Variants in SRRM3 observed in about 807,000 individuals in gnomAD.
SRRM3 encodes serine/arginine repetitive matrix 3.
A neutral mutation model predicts 66.2 loss-of-function variants in SRRM3; 27 were observed. That is an observed-to-expected ratio of 0.41 (90% confidence interval 0.30 to 0.56). The LOEUF is 0.56. Ranked by LOEUF, SRRM3 falls within the 20% of genes least tolerant of loss-of-function variation. SRRM3 has a pLI of 0.32. For synonymous variants in SRRM3, 391 were observed against 414.9 expected, an observed-to-expected ratio of 0.94 and a Z score of 0.70; for missense variants, 918 against 991.9, an observed-to-expected ratio of 0.93 and a Z score of 1.00.
chr7:76,267,230 C>T (rs1196438228), intron 10 of SRRM3, 28 bp from the exon 11 acceptor site: 44 of 1,502,740 alleles, frequency 2.9e-5, no homozygotes, highest in Non-Finnish European at 3.7e-5. Flanking sequence ...ACGCCGACTC[C>T]CCCATTCTTC....
intron 8 of SRRM3, among the ~76,000 whole-genome samples, chr7:76,262,822 A>AAG (rs1161504315): frequency 3.3e-5 from 5 of 151,274 alleles, no homozygotes; most frequent in Admixed American, 1.3e-4. Flanking sequence ...TCTCAAAAAA[A>AAG]AGAAAGAAAG....
chr7:76,273,375 C>G (rs968031839), intron 11 of SRRM3: 2 of 151,958 alleles, frequency 1.3e-5, no homozygotes, highest in Non-Finnish European at 2.9e-5. Context: ...TAGTGGAACC[C>G]ATTGTTTAAA....
At chr7:76,246,077 C>T (rs56325606) in intron 2 of SRRM3, among the ~76,000 whole-genome samples, 36 of 152,260 alleles carry the variant, frequency 2.4e-4, no homozygotes, top group Non-Finnish European at 3.5e-4. Flanking sequence ...TCCTAGACAA[C>T]GACCTGCAGC....
chr7:76,225,686 G>A (rs554747801), intron 1 of SRRM3, among the ~76,000 whole-genome samples: 105 of 152,240 alleles, frequency 6.9e-4, no homozygotes, highest in African/African-American at 2.5e-3. Flanking sequence ...TTTGAGACCA[G>A]CCTGGGCAAC....
intron 1 of SRRM3, among the ~76,000 whole-genome samples, chr7:76,208,839 A>G (rs1554601403): frequency 6.6e-6 from 1 of 151,642 alleles, no homozygotes; most frequent in African/African-American, 2.4e-5. Flanking sequence ...AGACCCTGAA[A>G]AAAAAAAGAA....
chr7:76,257,270 G>A (rs1554607866), intron 3 of SRRM3, among the ~76,000 whole-genome samples: 1 of 151,854 alleles, frequency 6.6e-6, no homozygotes, highest in Non-Finnish European at 1.5e-5. Context: ...GAGGGGAAGG[G>A]GTGAGCCAGG....
At chr7:76,281,925 C>A in intron 12 of SRRM3, 123 bp downstream of exon 12, 1 of 747,758 alleles carries the variant, frequency 1.3e-6, no homozygotes, top group Non-Finnish European at 1.7e-6. Context: ...GATCCCAACC[C>A]CCTCCCACCG....
intron 1 of SRRM3, among the ~76,000 whole-genome samples, chr7:76,212,163 T>C (rs1459735416): frequency 6.4e-5 from 3 of 46,980 alleles, no homozygotes; most frequent in African/African-American, 2.4e-4. Flanking sequence ...TGAGGTCTGC[T>C]TTTTTTTTTT....
intron 1 of SRRM3, among the ~76,000 whole-genome samples, chr7:76,212,803 G>A (rs1052889336): frequency 4.3e-4 from 66 of 152,050 alleles, no homozygotes; most frequent in Non-Finnish European, 2.8e-4. Context: ...AAGGTGGACC[G>A]TACACACTAG....
chr7:76,277,307 G>C (rs531026778), intron 11 of SRRM3, among the ~76,000 whole-genome samples: 6 of 152,244 alleles, frequency 3.9e-5, no homozygotes, highest in African/African-American at 1.4e-4. Context: ...AATGTAGTGG[G>C]AAGTCAGGAG....
At chr7:76,253,104 T>C (rs1331390470) in intron 3 of SRRM3, among the ~76,000 whole-genome samples, 1 of 152,024 alleles carries the variant, frequency 6.6e-6, no homozygotes, top group Non-Finnish European at 1.5e-5. Context: ...GTGGAAGTTG[T>C]TGCAGTGAGC....
chr7:76,283,485 C>T (rs1162091171), intron 14 of SRRM3: 2 of 460,994 alleles, frequency 4.3e-6, no homozygotes, highest in African/African-American at 4.0e-5. Flanking sequence ...CTGCATCCGT[C>T]TCCGGACAAT....
intron 2 of SRRM3, among the ~76,000 whole-genome samples, chr7:76,236,506 C>G (rs1801158135): frequency 6.6e-6 from 1 of 152,136 alleles, no homozygotes; most frequent in Non-Finnish European, 1.5e-5. Context: ...GTCCTTCAGT[C>G]CTTCCAAGCC....
intron 8 of SRRM3, among the ~76,000 whole-genome samples, 163 bp downstream of exon 8, chr7:76,261,744 A>G (rs2117061316): frequency 6.6e-6 from 1 of 151,956 alleles, no homozygotes; most frequent in African/African-American, 2.4e-5. Context: ...GTGGAGAAGG[A>G]GCATGAAAAC....
At chr7:76,207,769 C>T (rs1215230465) in intron 1 of SRRM3, among the ~76,000 whole-genome samples, 7 of 151,634 alleles carry the variant, frequency 4.6e-5, no homozygotes, top group Admixed American at 2.0e-4. Flanking sequence ...CCCAGCTACT[C>T]AGGAGGCTGA....
chr7:76,231,198 TA>T (rs1180384846), intron 1 of SRRM3, among the ~76,000 whole-genome samples: 1 of 152,182 alleles, frequency 6.6e-6, no homozygotes, highest in African/African-American at 2.4e-5. Flanking sequence ...GTCATTCTAT[TA>T]ATGACCTGCT....
chr7:76,237,090 A>G (rs1401186481), intron 2 of SRRM3, among the ~76,000 whole-genome samples: 1 of 151,622 alleles, frequency 6.6e-6, no homozygotes, highest in East Asian at 1.9e-4. Flanking sequence ...ACATGGTGAA[A>G]CCCCATCTCT....
intron 11 of SRRM3, among the ~76,000 whole-genome samples, chr7:76,274,546 C>T (rs556836324): frequency 6.6e-6 from 1 of 152,328 alleles, no homozygotes; most frequent in East Asian, 1.9e-4. Flanking sequence ...TCCTTCTACC[C>T]TCAGCATCCT....
intron 1 of SRRM3, among the ~76,000 whole-genome samples, chr7:76,230,032 G>A (rs1330884396): frequency 6.6e-6 from 1 of 152,098 alleles, no homozygotes; most frequent in African/African-American, 2.4e-5. Context: ...GTGAGCCACT[G>A]CACCTGGCCC....
Sources: allele counts gnomAD v4.1 joint callset (sites outside exome capture counted in the v4.1 genomes callset), GRCh38; gene constraint gnomAD v4.1.1; transcripts MANE v1.5; gene names NCBI Gene and HGNC (gene_info 2026-07-23, HGNC 2026-07-21).